AP3B1: variants seen among roughly 807,000 people sequenced by gnomAD.
AP3B1 encodes the protein AP-3 complex subunit beta-1.
Under a neutral mutation model 132.5 loss-of-function variants are expected in AP3B1, and 61 were observed. The observed-to-expected ratio is 0.46, with a 90% CI of 0.37 to 0.57. The LOEUF is 0.57. Ranked by LOEUF, AP3B1 falls within the 20% of genes least tolerant of loss-of-function variation. The probability of loss-of-function intolerance (pLI) is 0.00; values close to 1 mark genes in which losing one functional copy is unlikely to be tolerated. For synonymous variants in AP3B1, 388 were observed against 438.3 expected (o/e 0.89, Z 1.43); for missense variants, 1,120 against 1,289.4 (o/e 0.87, Z 2.01).
In AP3B1 at chr5:78,038,975, T is replaced by C. The variant is rs1372061205; in HGVS notation, c.2809+68A>G. The C allele has an allele frequency of 4.2e-6, 4 of 948,162 alleles. No individual in the cohort carries two copies. The Admixed American group carries it at 6.9e-5, about 16-fold the overall frequency. The allele number at this position is 948,162 out of a possible 1,614,324, so 58.7% of individuals were successfully genotyped here. On this transcript the variant is annotated intron_variant, in intron 23 of 26. Coordinates refer to ENST00000255194, the MANE Select transcript of AP3B1 (RefSeq NM_003664.5). ...CTATTTTACTAAAAAGTATTCTACT[T>C]TACTTTTAAAATGAACATATTTAGT...
intron 5 of AP3B1, among the ~76,000 whole-genome samples, chr5:78,226,507 A>T (rs1376399929): frequency 1.3e-5 from 2 of 152,106 alleles, no homozygotes; most frequent in East Asian, 3.8e-4. Context: ...TATCAAAGAC[A>T]TTGCTAGTGT....
chr5:78,145,890 T>C (rs931154907), intron 14 of AP3B1, among the ~76,000 whole-genome samples: 11 of 152,170 alleles, frequency 7.2e-5, no homozygotes, highest in South Asian at 2.1e-4. Context: ...AGAAGAAAGA[T>C]GGACCCAGGA....
chr5:78,262,398 T>C (rs1748131961), intron 2 of AP3B1, among the ~76,000 whole-genome samples: 1 of 152,192 alleles, frequency 6.6e-6, no homozygotes, highest in Non-Finnish European at 1.5e-5. Flanking sequence ...TTTATTTTTA[T>C]TTATGGTGTG....
chr5:78,246,833 A>T (rs1260505216), intron 2 of AP3B1, among the ~76,000 whole-genome samples: 1 of 151,676 alleles, frequency 6.6e-6, no homozygotes, highest in Non-Finnish European at 1.5e-5. Flanking sequence ...TTTCTACTCT[A>T]CCTTATTATT....
chr5:78,174,600 G>A (rs192256116), intron 11 of AP3B1, among the ~76,000 whole-genome samples: 123 of 152,250 alleles, frequency 8.1e-4, no homozygotes, highest in African/African-American at 2.1e-3. Flanking sequence ...TGGAAGCTTC[G>A]TCCCAGAGGG....
intron 6 of AP3B1, among the ~76,000 whole-genome samples, chr5:78,218,058 C>T (rs1463270141): frequency 6.6e-6 from 1 of 151,714 alleles, no homozygotes; most frequent in Non-Finnish European, 1.5e-5. Context: ...TAAATAGAAC[C>T]AAATAAAGTT....
intron 14 of AP3B1, among the ~76,000 whole-genome samples, chr5:78,141,922 T>A (rs1316332714): frequency 6.6e-6 from 1 of 152,108 alleles, no homozygotes; most frequent in African/African-American, 2.4e-5. Flanking sequence ...AGACAGGTGG[T>A]CCACAAAGCC....
At chr5:78,241,205 T>A (rs1305815285) in intron 2 of AP3B1, among the ~76,000 whole-genome samples, 2 of 76,054 alleles carry the variant, frequency 2.6e-5, no homozygotes, top group African/African-American at 8.6e-5. Context: ...TTATAAGTAA[T>A]TTTTTTTTTT....
intron 11 of AP3B1, among the ~76,000 whole-genome samples, chr5:78,172,873 T>C (rs1205403347): frequency 6.6e-6 from 1 of 152,252 alleles, no homozygotes; most frequent in Non-Finnish European, 1.5e-5. Context: ...TTTTAGATCT[T>C]TACTGCTTTC....
intron 7 of AP3B1, among the ~76,000 whole-genome samples, chr5:78,195,557 C>T (rs903531336): frequency 6.6e-6 from 1 of 152,146 alleles, no homozygotes; most frequent in Non-Finnish European, 1.5e-5. Context: ...CAGCGGCTCA[C>T]GCCTGTAATC....
intron 2 of AP3B1, among the ~76,000 whole-genome samples, chr5:78,262,338 A>G (rs1748130029): frequency 6.6e-6 from 1 of 152,156 alleles, no homozygotes; most frequent in Non-Finnish European, 1.5e-5. Flanking sequence ...GCTTTCTTCT[A>G]AGAGTTTTAT....
intron 1 of AP3B1, among the ~76,000 whole-genome samples, chr5:78,279,830 GTATATATATATAGGACT>G (rs1561218113): frequency 1.4e-5 from 2 of 143,006 alleles, no homozygotes; most frequent in African/African-American, 5.1e-5. Context: ...ATATAGGTGT[GTATATATATATAGGACT>G]TAAATATATA....
chr5:78,219,921 A>C (rs1746109858), intron 6 of AP3B1, among the ~76,000 whole-genome samples: 1 of 152,152 alleles, frequency 6.6e-6, no homozygotes, highest in Non-Finnish European at 1.5e-5. Flanking sequence ...TAATGATCCC[A>C]AAAAACTGCT....
At chr5:78,094,608 C>T (rs1750693233) in intron 21 of AP3B1, among the ~76,000 whole-genome samples, 2 of 152,090 alleles carry the variant, frequency 1.3e-5, no homozygotes, top group Admixed American at 6.5e-5. Flanking sequence ...AGCTCTTTCC[C>T]TCCTCCATAA....
At chr5:78,136,062 A>G (rs10514136) in intron 15 of AP3B1, among the ~76,000 whole-genome samples, 37,234 of 151,886 alleles carry the variant, frequency 0.25, 4,869 homozygotes, top group African/African-American at 0.33. Flanking sequence ...TACTTAGAAA[A>G]TCTCAGTAGG....
chr5:78,225,470 T>C, intron 6 of AP3B1, 72 bp downstream of exon 6: 1 of 813,100 alleles, frequency 1.2e-6, no homozygotes, highest in Non-Finnish European at 2.0e-6. Flanking sequence ...CTATATAAAA[T>C]ATATAATGGT....
intron 11 of AP3B1, among the ~76,000 whole-genome samples, chr5:78,170,732 TTTAA>T (rs1399451261): frequency 6.6e-6 from 1 of 152,216 alleles, no homozygotes; most frequent in Admixed American, 6.5e-5. Flanking sequence ...AGCTCTTTAG[TTTAA>T]TTAGATCCCA....
At chr5:78,094,722 C>T (rs1391123317) in intron 21 of AP3B1, among the ~76,000 whole-genome samples, 3 of 151,948 alleles carry the variant, frequency 2.0e-5, no homozygotes, top group Admixed American at 1.3e-4. Flanking sequence ...ACTCTGTCAC[C>T]CAGGCTGGAG....
chr5:78,196,465 T>C (rs1194596637), intron 7 of AP3B1, among the ~76,000 whole-genome samples: 1 of 152,140 alleles, frequency 6.6e-6, no homozygotes, highest in African/African-American at 2.4e-5. Flanking sequence ...AACTTTGCAG[T>C]TTCTTACCAA....
Sources: allele counts gnomAD v4.1 joint callset (sites outside exome capture counted in the v4.1 genomes callset), GRCh38; gene constraint gnomAD v4.1.1; transcripts MANE v1.5; gene names NCBI Gene and HGNC (gene_info 2026-07-23, HGNC 2026-07-21).